Variants in PCDHGB1 observed in about 807,000 individuals in gnomAD.
The protein encoded by PCDHGB1 is protocadherin gamma-B1.
PCDHGB1 carries 34 observed loss-of-function variants against 56.6 expected under a neutral mutation model. That is an observed-to-expected ratio of 0.60 (90% CI 0.46 to 0.80). The LOEUF (loss-of-function observed/expected upper bound fraction) is 0.80. PCDHGB1 is among the 30% of genes least tolerant of loss of function. The pLI is 0.00. For missense variants in PCDHGB1, 1,278 were observed against 1,204.6 expected (o/e 1.06, Z -0.90); for synonymous variants, 561 against 505.9 (o/e 1.11, Z -1.46).
intron 1 of PCDHGB1, among the ~76,000 whole-genome samples, chr5:141,362,988 G>A (rs1762757672): frequency 6.6e-6 from 1 of 152,224 alleles, no homozygotes; most frequent in South Asian, 2.1e-4. Flanking sequence ...TTGCATAATG[G>A]CATGGCTTGT....
chr5:141,387,024 G>T (rs888266912), intron 1 of PCDHGB1, among the ~76,000 whole-genome samples: 2 of 152,172 alleles, frequency 1.3e-5, no homozygotes, highest in Non-Finnish European at 2.9e-5. Context: ...GATGAATGTT[G>T]TATTTCATAA....
chr5:141,497,396 C>T (rs2099776233), intron 2 of PCDHGB1, among the ~76,000 whole-genome samples: 1 of 152,116 alleles, frequency 6.6e-6, no homozygotes, highest in Middle Eastern at 3.2e-3. Flanking sequence ...CTTACCCCTG[C>T]CTCAACTCCC....
chr5:141,419,177 C>G (rs1223789288), intron 1 of PCDHGB1: 3 of 1,613,980 alleles, frequency 1.9e-6, no homozygotes, highest in Non-Finnish European at 2.5e-6. Flanking sequence ...AACCATAACC[C>G]TGCACATTAC....
rs147534370 is a variant in PCDHGB1 at position 141,511,170 on chromosome 5, G to A, written c.2781G>A (p.Lys927=). ...AGAAGTCGGGCAAGAAGGAGAAGAA[G>A]TAACATGGAGGCCAGGCCAAGAGCC... ...NKKKSGKKEK[K] The change falls in exon 4 of 4, where the codon AAG becomes AAA. Residue 927 remains lysine (K), a synonymous_variant. Coordinates refer to ENST00000523390, the MANE Select transcript of PCDHGB1 (RefSeq NM_018922.3). 1.9e-6 allele frequency: 3 copies of A among 1,613,988 alleles called. No homozygotes were observed. The highest frequency in any genetic ancestry group is 2.5e-6 in the Non-Finnish European group (3 of 1,179,990).
At chr5:141,398,450 C>T in intron 1 of PCDHGB1, 1 of 1,574,388 alleles carries the variant, frequency 6.4e-7, no homozygotes, top group East Asian at 2.2e-5. Flanking sequence ...GAATTTGAGG[C>T]TGTTGCTGAA....
Position 141,364,261 on chromosome 5 carries a change from T to C in PCDHGB1, c.2409+11592T>C. On this transcript the variant is annotated intron_variant, in intron 1 of 3. Coordinates refer to ENST00000523390, the MANE Select transcript of PCDHGB1 (RefSeq NM_018922.3). ...ATTTTCGTCAGGGAATATGTACCCA[T>C]CGGCTTTAGATAAATAAGGAAACAG... The C allele has an allele frequency of 5.3e-6, 8 of 1,504,792 alleles. No individual in the cohort carries two copies. The South Asian group carries it at 1.1e-4, about 21-fold the overall frequency. The allele number at this position is 1,504,792 out of a possible 1,614,324, so 93.2% of individuals were successfully genotyped here. A position where few individuals can be genotyped will look rare whatever the true frequency, so the allele number is the denominator to read the frequency against.
At chr5:141,418,806 C>A in intron 1 of PCDHGB1, 1 of 1,613,696 alleles carries the variant, frequency 6.2e-7, no homozygotes, top group Non-Finnish European at 8.5e-7. Context: ...GAAAGATATA[C>A]GATAAACATA....
intron 1 of PCDHGB1, chr5:141,364,632 T>A: frequency 6.2e-7 from 1 of 1,614,142 alleles, no homozygotes; most frequent in Non-Finnish European, 8.5e-7. Flanking sequence ...CAGAGCCCAC[T>A]GTGTGTGGTG....
In PCDHGB1 at chr5:141,486,718, A is replaced by G; in HGVS notation, c.2410-8089A>G. 6.2e-7 allele frequency: 1 copy of G among 1,614,106 alleles called. No individual in the cohort carries two copies. The highest frequency in any genetic ancestry group is 1.7e-5 in the Admixed American group (1 of 60,022). On this transcript the variant is annotated intron_variant, in intron 1 of 3. Coordinates refer to ENST00000523390, the MANE Select transcript of PCDHGB1 (RefSeq NM_018922.3). This position sits in a 1 kb window ranked among gnomAD's most constrained non-coding sequence, Gnocchi z 5.0. Reference sequence around the variant, plus strand: ...TCATCTCTCTGAACCCCCAGACAGGAGCTGTTCATGCTACTCGATCCTTTG... The same window carrying G: ...TCATCTCTCTGAACCCCCAGACAGGGGCTGTTCATGCTACTCGATCCTTTG...
intron 1 of PCDHGB1, among the ~76,000 whole-genome samples, chr5:141,446,167 G>A (rs1357034077): frequency 6.6e-6 from 1 of 152,188 alleles, no homozygotes; most frequent in African/African-American, 2.4e-5. Flanking sequence ...ATTTCATGAG[G>A]GCAGGGGGTG....
Position 141,431,010 on chromosome 5 carries a change from T to G in PCDHGB1, c.2410-63797T>G. 2 of 1,613,972 alleles carry G rather than the reference T, an allele frequency of 1.2e-6. No individual in the cohort carries two copies. The highest frequency in any genetic ancestry group is 1.7e-6 in the Non-Finnish European group (2 of 1,179,964). The stretch of plus-strand genomic sequence containing the variant: ...GCCCTGAATCCGCGCAGCGGCAGCT[T>G]GGTCACGGCGGGCAGGATAGACCGG... On this transcript the variant is annotated intron_variant, in intron 1 of 3. Transcript: ENST00000523390. The surrounding 1 kb of genome is among the most constrained non-coding windows in gnomAD (Gnocchi z 4.8).
In PCDHGB1 at chr5:141,476,962, C is replaced by A. The variant is rs2099402286; in HGVS notation, c.2410-17845C>A. On this transcript the variant is annotated intron_variant, in intron 1 of 3. Coordinates refer to ENST00000523390, the MANE Select transcript of PCDHGB1 (RefSeq NM_018922.3). This position sits in a 1 kb window ranked among gnomAD's most constrained non-coding sequence, Gnocchi z 7.6. ...GCCCCAACGGTGAAATTATTTACTCCTTCGGCAGCCACAACCGCGCCGGCG... is the reference window on the plus strand; with the variant it reads ...GCCCCAACGGTGAAATTATTTACTCATTCGGCAGCCACAACCGCGCCGGCG... 2 of 1,614,200 alleles carry A rather than the reference C, an allele frequency of 1.2e-6. No individual in the cohort carries two copies. The highest frequency in any genetic ancestry group is 1.7e-6 in the Non-Finnish European group (2 of 1,180,042).
intron 1 of PCDHGB1, chr5:141,393,863 G>A: frequency 6.2e-7 from 1 of 1,613,968 alleles, no homozygotes; most frequent in Non-Finnish European, 8.5e-7. Context: ...TGATCATTAC[G>A]TCTTTGTTTA....
chr5:141,381,823 CTTCTTT>C (rs1777514301), intron 1 of PCDHGB1, among the ~76,000 whole-genome samples: 1 of 101,610 alleles, frequency 9.8e-6, no homozygotes, highest in African/African-American at 4.3e-5. Flanking sequence ...TTTCTTTCTT[CTTCTTT>C]TTTTTTTTTT....
In PCDHGB1 at chr5:141,489,203, C is replaced by A; in HGVS notation, c.2410-5604C>A. On this transcript the variant is annotated intron_variant, in intron 1 of 3. Transcript: ENST00000523390. The surrounding 1 kb of genome is among the most constrained non-coding windows in gnomAD (Gnocchi z 4.5). ...CCCTGGGTCTACCTTGGAGACAGGA[C>A]AGCACAGACTTACTCTCCACAAAGG... is the stretch of plus-strand genomic sequence containing the variant. 7.1e-7 allele frequency: 1 copy of A among 1,414,834 alleles called. No individual in the cohort carries two copies. Among genetic ancestry groups the A allele is most frequent in the Non-Finnish European group, 9.6e-7 (1 of 1,040,052 alleles). The allele number at this position is 1,414,834 out of a possible 1,614,324, so 87.6% of individuals were successfully genotyped here.
chr5:141,392,881 T>C, intron 1 of PCDHGB1: 6 of 1,613,564 alleles, frequency 3.7e-6, no homozygotes, highest in Non-Finnish European at 5.1e-6. Context: ...CTGGGAACGC[T>C]GTGGGAAATC....
intron 1 of PCDHGB1, among the ~76,000 whole-genome samples, chr5:141,407,707 G>C (rs894295431): frequency 1.3e-5 from 2 of 151,964 alleles, no homozygotes; most frequent in South Asian, 4.1e-4. Flanking sequence ...TTGAAGGTGG[G>C]GTGATGGCTA....
chr5:141,477,835 T>G lies in PCDHGB1; in HGVS notation c.2410-16972T>G. ...CCCAGGTCCTATATCCTCGGCCAGG[T>G]GGGAGCTCGGTGGAGATGCTGCCTC... On this transcript the variant is annotated intron_variant, in intron 1 of 3. Coordinates refer to ENST00000523390, the MANE Select transcript of PCDHGB1 (RefSeq NM_018922.3). This position sits in a 1 kb window ranked among gnomAD's most constrained non-coding sequence, Gnocchi z 4.9. The G allele has an allele frequency of 6.2e-7, 1 of 1,614,090 alleles. No individual in the cohort carries two copies. Among genetic ancestry groups the G allele is most frequent in the South Asian group, 1.1e-5 (1 of 91,072 alleles).
chr5:141,438,231 TG>T (rs987686126), intron 1 of PCDHGB1, among the ~76,000 whole-genome samples: 1 of 152,082 alleles, frequency 6.6e-6, no homozygotes, highest in African/African-American at 2.4e-5. Context: ...TTCAGGAAAA[TG>T]TTTTTAAAAA....
Sources: gnomAD v4.1 joint callset for allele counts (sites outside exome capture counted in the v4.1 genomes callset) on GRCh38, gnomAD v4.1.1 for gene constraint, Gnocchi (gnomAD v3.1) non-coding constraint, MANE v1.5 for transcripts, NCBI Gene and HGNC (gene_info 2026-07-23, HGNC 2026-07-21) for gene names.